Variants in TMEM63A observed in about 807,000 individuals in gnomAD.
TMEM63A encodes transmembrane protein 63A, also known as mechanosensitive cation channel TMEM63A.
A neutral mutation model predicts 100.6 loss-of-function variants in TMEM63A; 76 were observed. That is an observed-to-expected ratio of 0.76 (90% confidence interval 0.63 to 0.91). The LOEUF is 0.91. TMEM63A is among the 40% of genes least tolerant of loss of function. The pLI is 0.00. For synonymous variants in TMEM63A, 401 were observed against 401.1 expected, an observed-to-expected ratio of 1.00 and a Z score of 0.00; for missense variants, 876 against 1,008.8, an observed-to-expected ratio of 0.87 and a Z score of 1.78.
intron 20 of TMEM63A, among the ~76,000 whole-genome samples, chr1:225,851,282 G>A (rs1190034059): frequency 1.3e-5 from 2 of 152,200 alleles, no homozygotes; most frequent in African/African-American, 4.8e-5. Flanking sequence ...AGGCCCAAGG[G>A]TCTTACCCCA....
intron 15 of TMEM63A, among the ~76,000 whole-genome samples, chr1:225,857,272 C>G (rs1332037149): frequency 6.6e-6 from 1 of 152,058 alleles, no homozygotes; most frequent in Admixed American, 6.6e-5. Flanking sequence ...CGAGTAAACT[C>G]CACTTATCTG....
rs777052443 is a variant in TMEM63A, at chr1:225,856,987, G to A, written c.1408C>T (p.Leu470Phe). The change falls in exon 16 of 25, where the codon CTC (leucine) becomes TTC (phenylalanine). Residue 470 changes from leucine (L) to phenylalanine (F), a missense_variant. This residue lies in a region of TMEM63A where 487 missense variants were observed against 581.9 expected (regional missense o/e 0.84). Coordinates refer to ENST00000366835, the MANE Select transcript of TMEM63A (RefSeq NM_014698.3). ...AGGGCCGAGAAGGACCAGAGCAGGAGGGTGGGGAAGAACTGGCTGATGATC... is the reference window on the plus strand; with the variant it reads ...AGGGCCGAGAAGGACCAGAGCAGGAAGGTGGGGAAGAACTGGCTGATGATC... ...NPIISQFFPT[L>F]LLWSFSALLP... The A allele has an allele frequency of 6.3e-7, 1 of 1,590,006 alleles. No homozygotes were observed. Among genetic ancestry groups the A allele is most frequent in the Non-Finnish European group, 8.5e-7 (1 of 1,173,088 alleles).
At position 225,862,376 on chromosome 1, in the gene TMEM63A, G is replaced by A; in HGVS notation, c.952-25C>T. The A allele has an allele frequency of 6.2e-7, 1 of 1,614,166 alleles. No individual in the cohort carries two copies. Among genetic ancestry groups the A allele is most frequent in the African/African-American group, 1.3e-5 (1 of 75,044 alleles). On this transcript the variant is annotated intron_variant, in intron 12 of 24. Coordinates refer to ENST00000366835, the MANE Select transcript of TMEM63A (RefSeq NM_014698.3). The surrounding 1 kb of genome is among the most constrained non-coding windows in gnomAD (Gnocchi z 5.1). Reference sequence around the variant, plus strand: ...CCTGCCACAAGACACATCCCATTGGGATGACGTGGCCCCATGCTGGTATCT... The same window carrying A: ...CCTGCCACAAGACACATCCCATTGGAATGACGTGGCCCCATGCTGGTATCT...
At position 225,862,047 on chromosome 1, in the gene TMEM63A, C is replaced by T; in HGVS notation, c.1085+171G>A. ...CCACCGCCTGTTACACAAACATGGG[C>T]TGGGCTGGCTGAAAGTGAGTGTGGG... On this transcript the variant is annotated intron_variant, in intron 13 of 24. Transcript: ENST00000366835. This position sits in a 1 kb window ranked among gnomAD's most constrained non-coding sequence, Gnocchi z 5.1. 1 of 1,047,840 alleles carries T rather than the reference C, an allele frequency of 9.5e-7. No homozygotes were observed. The allele number at this position is 1,047,840 out of a possible 1,614,324, so 64.9% of individuals were successfully genotyped here.
downstream of TMEM63A, chr1:225,845,288 G>A: frequency 6.2e-7 from 1 of 1,613,082 alleles, no homozygotes; most frequent in Non-Finnish European, 8.5e-7. Flanking sequence ...GGCCTTTGAG[G>A]AGCCGGAGCT....
At chr1:225,873,457 T>A (rs965896173) in intron 4 of TMEM63A, among the ~76,000 whole-genome samples, 1 of 150,516 alleles carries the variant, frequency 6.6e-6, no homozygotes, top group Non-Finnish European at 1.5e-5. Context: ...GAGTGGAGGG[T>A]CTGCCAGAGC....
In TMEM63A at chr1:225,853,702, A is replaced by G; in HGVS notation, c.1724T>C (p.Leu575Pro). 6.3e-7 allele frequency: 1 copy of G among 1,593,052 alleles called. No homozygotes were observed. The highest frequency in any genetic ancestry group is 8.5e-7 in the Non-Finnish European group (1 of 1,169,716). ...FIGNGMELLR[L>P]PGLILYTFRM... is the part of the protein sequence containing the mutation. ...GAAGGTATAGAGGATGAGACCTGGC[A>G]GCCGCAGCAGCTCCATGCCATTGCC... The change falls in exon 19 of 25, where the codon CTG (leucine) becomes CCG (proline). Residue 575 changes from leucine to proline, a missense_variant. By Grantham distance (98) the Leu-to-Pro change is moderately conservative (BLOSUM62 -3). Around this residue, in one of 5 missense-constraint regions of TMEM63A, gnomAD observed 339 missense variants for 342.3 expected, o/e 0.99. Transcript: ENST00000366835. The surrounding 1 kb of genome is among the most constrained non-coding windows in gnomAD (Gnocchi z 4.0).
At position 225,849,023 on chromosome 1, in the gene TMEM63A, A is replaced by G. The variant is rs1430866864; in HGVS notation, c.2072-11T>C. 1.6e-6 allele frequency: 1 copy of G among 633,566 alleles called. No homozygotes were observed. The highest frequency in any genetic ancestry group is 2.7e-6 in the Non-Finnish European group (1 of 376,978). The allele number at this position is 633,566 out of a possible 1,614,324, so 39.2% of individuals were successfully genotyped here. A position where few individuals can be genotyped will look rare whatever the true frequency, so the allele number is the denominator to read the frequency against. ...CGGGGGCCTTCATACCTGGTGATAG[A>G]GGGTGGCTAGCCTTGGGGTGGGCAG... On this transcript the variant is annotated splice_polypyrimidine_tract_variant and intron_variant, in intron 21 of 24. Transcript: ENST00000366835.
In TMEM63A at chr1:225,874,275, G is replaced by A. The variant is rs752229135; in HGVS notation, c.266+13C>T. On this transcript the variant is annotated intron_variant, in intron 4 of 24. Coordinates refer to ENST00000366835, the MANE Select transcript of TMEM63A (RefSeq NM_014698.3). ...GCACACGCATGCTCACAGCCTAGGC[G>A]ATATGTCTTTACCTGTCTGCTTCTG... The A allele has an allele frequency of 8.1e-6, 13 of 1,612,570 alleles. No homozygotes were observed. The highest frequency in any genetic ancestry group is 4.0e-5 in the African/African-American group (3 of 74,796).
rs1669462075 is a variant in TMEM63A, at chr1:225,853,606, G to C, written c.1797+23C>G. On this transcript the variant is annotated intron_variant, in intron 19 of 24. Coordinates refer to ENST00000366835, the MANE Select transcript of TMEM63A (RefSeq NM_014698.3). This position sits in a 1 kb window ranked among gnomAD's most constrained non-coding sequence, Gnocchi z 4.0. ...GACATGGGAGGGAGTCAGAGGCACA[G>C]CCCTGGGCCCAGGGGATGGCACCTG... 6.5e-7 allele frequency: 1 copy of C among 1,536,740 alleles called. No individual in the cohort carries two copies. Among genetic ancestry groups the C allele is most frequent in the Non-Finnish European group, 8.8e-7 (1 of 1,138,198 alleles).
At chr1:225,851,807 T>C (rs576199439) in intron 20 of TMEM63A, among the ~76,000 whole-genome samples, 9 of 152,264 alleles carry the variant, frequency 5.9e-5, no homozygotes, top group Non-Finnish European at 1.3e-4. Context: ...AGCAGTCTCT[T>C]GGGTTTTTTG....
chr1:225,844,418 T>G, downstream of TMEM63A: 1 of 1,609,890 alleles, frequency 6.2e-7, no homozygotes, highest in East Asian at 2.2e-5. Context: ...GGGCCTGGCA[T>G]TTGTAGGACT....
rs1490405510 is a variant in TMEM63A at position 225,853,878 on chromosome 1, C to T, written c.1635-87G>A. Reference sequence around the variant, plus strand: ...CCCTAGGCTGGGCAGGAGCAGAAAGCCCCTGGGAGGGCTGTATACTCTTCC... The same window carrying T: ...CCCTAGGCTGGGCAGGAGCAGAAAGTCCCTGGGAGGGCTGTATACTCTTCC... On this transcript the variant is annotated intron_variant, in intron 18 of 24. Transcript: ENST00000366835. This position sits in a 1 kb window ranked among gnomAD's most constrained non-coding sequence, Gnocchi z 4.0. 12 of 1,347,982 alleles carry T rather than the reference C, an allele frequency of 8.9e-6. No individual in the cohort carries two copies. The African/African-American group carries it at 1.6e-4, about 18-fold the overall frequency. 83.5% of individuals were successfully genotyped at this position (1,347,982 alleles called of 1,614,324 possible). A position where few individuals can be genotyped will look rare whatever the true frequency, so the allele number is the denominator to read the frequency against.
At chr1:225,869,721 G>A (rs1670405793) in intron 6 of TMEM63A, among the ~76,000 whole-genome samples, 1 of 142,928 alleles carries the variant, frequency 7.0e-6, no homozygotes, top group African/African-American at 2.6e-5. Flanking sequence ...GAGTTGCAGT[G>A]GGGTGATCTT....
intron 5 of TMEM63A, 149 bp from the exon 6 acceptor site, chr1:225,871,262 G>A (rs1232585398): frequency 4.0e-6 from 3 of 757,362 alleles, no homozygotes; most frequent in Non-Finnish European, 6.6e-6. Flanking sequence ...CATGAGCCCA[G>A]TACTTCACAA....
intron 23 of TMEM63A, 183 bp downstream of exon 23, chr1:225,848,309 A>C: frequency 1.6e-6 from 1 of 626,012 alleles, no homozygotes; most frequent in South Asian, 2.0e-5. Flanking sequence ...ACAGTTTCAA[A>C]TATGCAGGTT....
chr1:225,874,643 G>C (rs903998422), intron 3 of TMEM63A, among the ~76,000 whole-genome samples: 2 of 152,224 alleles, frequency 1.3e-5, no homozygotes, highest in Non-Finnish European at 2.9e-5. Flanking sequence ...AGTTCTGCAC[G>C]TCAGCCCTGT....
At chr1:225,874,886 C>T (rs986361650) in intron 3 of TMEM63A, among the ~76,000 whole-genome samples, 4 of 152,204 alleles carry the variant, frequency 2.6e-5, no homozygotes, top group African/African-American at 9.6e-5. Context: ...AGGTGCCCGC[C>T]ACCACACCCA....
In TMEM63A at chr1:225,877,514, G is replaced by A. The variant is rs1670866309; in HGVS notation, c.67C>T (p.Leu23Phe). 1 of 1,614,208 alleles carries A rather than the reference G, an allele frequency of 6.2e-7. No homozygotes were observed. The highest frequency in any genetic ancestry group is 8.5e-7 in the Non-Finnish European group (1 of 1,180,040). The part of the protein sequence containing the change: ...KAVSIREQLG[L>F]GDRPNDSYCY... ...TAGGAGTCGTTGGGCCGGTCCCCGA[G>A]TCCCAGCTGCTCCCTGATGGACACT... The change falls in exon 3 of 25, where the codon CTC becomes TTC. Residue 23 changes from leucine (L) to phenylalanine (F), a missense_variant. Physicochemically the swap from Leu to Phe is conservative, Grantham distance 22 (BLOSUM62 0). Coordinates refer to ENST00000366835, the MANE Select transcript of TMEM63A (RefSeq NM_014698.3).
Sources: allele counts gnomAD v4.1 joint callset (sites outside exome capture counted in the v4.1 genomes callset), GRCh38; gene constraint gnomAD v4.1.1; regional missense constraint gnomAD v4.1.1; non-coding constraint Gnocchi (gnomAD v3.1); transcripts MANE v1.5; gene names NCBI Gene and HGNC (gene_info 2026-07-23, HGNC 2026-07-21).